The following BMERB1 variants were observed in gnomAD, a reference collection of about 807,000 sequenced individuals.
BMERB1 encodes bMERB domain containing 1, also known as bMERB domain-containing protein 1.
In BMERB1, 12 loss-of-function variants were observed where a neutral mutation model predicts 23.6. That is an observed-to-expected ratio of 0.51 (90% CI 0.33 to 0.82). The LOEUF (loss-of-function observed/expected upper bound fraction) is 0.82. BMERB1 is among the 40% of genes least tolerant of loss of function. The pLI, the probability that BMERB1 is intolerant of heterozygous loss-of-function variation, is 0.03. For synonymous variants in BMERB1, 122 were observed against 96.6 expected (o/e 1.26, Z -1.54); for missense variants, 247 against 255.4 (o/e 0.97, Z 0.22).
At chr16:15,585,548 C>T (rs903579940) in intron 5 of BMERB1, among the ~76,000 whole-genome samples, 4 of 152,130 alleles carry the variant, frequency 2.6e-5, no homozygotes, top group African/African-American at 9.6e-5. Context: ...AATGAAAAAC[C>T]CGGCCGGGCA....
At chr16:15,454,389 C>T (rs899530339) in intron 1 of BMERB1, among the ~76,000 whole-genome samples, 1 of 152,204 alleles carries the variant, frequency 6.6e-6, no homozygotes, top group African/African-American at 2.4e-5. Context: ...GACAGAGTTG[C>T]TTCCTTTCCC....
intron 2 of BMERB1, among the ~76,000 whole-genome samples, chr16:15,556,789 T>C (rs185253551): frequency 7.3e-4 from 111 of 152,236 alleles, no homozygotes; most frequent in Middle Eastern, 3.4e-3. Flanking sequence ...TTTCACCATG[T>C]TGGCCAGGCT....
chr16:15,524,314 G>A (rs1369576851), intron 2 of BMERB1, among the ~76,000 whole-genome samples: 6 of 152,138 alleles, frequency 3.9e-5, no homozygotes, highest in Non-Finnish European at 8.8e-5. Flanking sequence ...TTGGGGTGTA[G>A]GGGAGGGAAA....
intron 2 of BMERB1, among the ~76,000 whole-genome samples, chr16:15,537,442 C>A (rs1171540101): frequency 6.6e-6 from 1 of 151,370 alleles, no homozygotes; most frequent in Non-Finnish European, 1.5e-5. Context: ...GCAACCTTGT[C>A]TCCCAAGTTC....
At chr16:15,441,002 C>T (rs1451855225) in intron 1 of BMERB1, among the ~76,000 whole-genome samples, 2 of 152,008 alleles carry the variant, frequency 1.3e-5, no homozygotes, top group African/African-American at 4.8e-5. Context: ...AGGCAGTAAA[C>T]GTAAAGGCCT....
intron 3 of BMERB1, among the ~76,000 whole-genome samples, chr16:15,579,847 G>A (rs2030963428): frequency 6.6e-6 from 1 of 152,070 alleles, no homozygotes; most frequent in Admixed American, 6.6e-5. Context: ...GAAGACCCTG[G>A]CTTTGTCATG....
chr16:15,437,275 TC>T (rs1024303903), intron 1 of BMERB1, among the ~76,000 whole-genome samples: 6 of 152,202 alleles, frequency 3.9e-5, no homozygotes, highest in African/African-American at 1.4e-4. Context: ...CTGCTTTGAA[TC>T]CTCACTCTGT....
intron 3 of BMERB1, among the ~76,000 whole-genome samples, chr16:15,580,897 G>GT (rs970588205): frequency 3.6e-4 from 53 of 147,456 alleles, no homozygotes; most frequent in South Asian, 2.2e-3. Context: ...GTAATTTTTT[G>GT]TTTTTTTTTT....
intron 2 of BMERB1, among the ~76,000 whole-genome samples, chr16:15,547,247 G>T (rs2029947145): frequency 6.6e-6 from 1 of 151,580 alleles, no homozygotes; most frequent in Admixed American, 6.6e-5. Flanking sequence ...CCTGACATCA[G>T]GTGATTCACC....
intron 1 of BMERB1, among the ~76,000 whole-genome samples, chr16:15,462,399 G>A (rs153805): frequency 0.4 from 60,960 of 151,674 alleles, 13,742 homozygotes; most frequent in Admixed American, 0.57. Flanking sequence ...TGATCCGCCC[G>A]CCTTGGCCTC....
chr16:15,513,942 T>C (rs1167721503), intron 1 of BMERB1, among the ~76,000 whole-genome samples: 1 of 151,082 alleles, frequency 6.6e-6, no homozygotes, highest in Non-Finnish European at 1.5e-5. Context: ...ATTATATATA[T>C]AAAAAACCAC....
intron 1 of BMERB1, among the ~76,000 whole-genome samples, chr16:15,454,096 A>G (rs144544442): frequency 6.6e-6 from 1 of 152,094 alleles, no homozygotes; most frequent in East Asian, 1.9e-4. Flanking sequence ...CTCCCTATGG[A>G]TATCACAGGG....
At chr16:15,445,652 T>C (rs2050982436) in intron 1 of BMERB1, among the ~76,000 whole-genome samples, 2 of 152,208 alleles carry the variant, frequency 1.3e-5, no homozygotes, top group Non-Finnish European at 2.9e-5. Context: ...CTGGAGAGGA[T>C]GTAGATCAAC....
intron 3 of BMERB1, among the ~76,000 whole-genome samples, chr16:15,580,034 C>T (rs926921437): frequency 6.6e-6 from 1 of 152,088 alleles, no homozygotes; most frequent in Non-Finnish European, 1.5e-5. Context: ...GGTATTAAGC[C>T]CAGCATGCAT....
At position 15,437,665 on chromosome 16, in the gene BMERB1, A is replaced by G. The variant is rs116405185; in HGVS notation, c.106+2906A>G. 4.2e-3 allele frequency among the ~76,000 whole-genome samples: 639 copies of G among 152,270 alleles called. 7 individuals are homozygous for G. The highest frequency in any genetic ancestry group is 0.015 in the African/African-American group (603 of 41,560). ...GGGTCCTATGCTGCACACTGTTAAAAGTCAGGTATAAGGCCAGGCGCATTG... is the reference window on the plus strand; with the variant it reads ...GGGTCCTATGCTGCACACTGTTAAAGGTCAGGTATAAGGCCAGGCGCATTG... On this transcript the variant is annotated intron_variant, in intron 1 of 5. Coordinates refer to ENST00000300006, the MANE Select transcript of BMERB1 (RefSeq NM_033201.3).
At chr16:15,500,741 C>A (rs1425250362) in intron 1 of BMERB1, among the ~76,000 whole-genome samples, 4 of 152,130 alleles carry the variant, frequency 2.6e-5, no homozygotes, top group Non-Finnish European at 5.9e-5. Flanking sequence ...AACCTCCATC[C>A]CCCAGGTTCA....
chr16:15,510,679 C>G (rs921306649), intron 1 of BMERB1, among the ~76,000 whole-genome samples: 1 of 151,956 alleles, frequency 6.6e-6, no homozygotes, highest in East Asian at 1.9e-4. Flanking sequence ...GGTAGCATCA[C>G]AGCACACAGT....
chr16:15,581,381 C>T, intron 4 of BMERB1, 50 bp downstream of exon 4: 1 of 1,492,332 alleles, frequency 6.7e-7, no homozygotes, highest in Non-Finnish European at 9.3e-7. Flanking sequence ...CAGCAACCTT[C>T]TGCTTCCTTC....
intron 5 of BMERB1, 140 bp downstream of exon 5, chr16:15,583,378 G>GA (rs1350993299): frequency 7.3e-6 from 5 of 687,070 alleles, no homozygotes; most frequent in Admixed American, 7.0e-5. Flanking sequence ...AGGAGTTCGA[G>GA]ACCAGCCTGG....
Sources: gnomAD v4.1 joint callset for allele counts (sites outside exome capture counted in the v4.1 genomes callset) on GRCh38, gnomAD v4.1.1 for gene constraint, MANE v1.5 for transcripts, NCBI Gene and HGNC (gene_info 2026-07-23, HGNC 2026-07-21) for gene names.